The following FMNL2 variants were observed in gnomAD, a reference collection of about 807,000 sequenced individuals.
The protein encoded by FMNL2 is formin-like protein 2.
A neutral mutation model predicts 130.2 loss-of-function variants in FMNL2; 51 were observed. The ratio of observed to expected loss-of-function variants is 0.39; its 90% CI spans 0.31 to 0.49. The LOEUF (loss-of-function observed/expected upper bound fraction) is 0.49. Among genes scored for constraint, FMNL2 ranks in the 20% least tolerant of loss-of-function variants. The pLI, the probability that FMNL2 is intolerant of heterozygous loss-of-function variation, is 0.85. For missense variants in FMNL2, 977 were observed against 1,316.2 expected, an observed-to-expected ratio of 0.74 and a Z score of 3.99; for synonymous variants, 465 against 467.1, an observed-to-expected ratio of 1.00 and a Z score of 0.06.
chr2:152,337,646 G>A (rs1395477491), intron 1 of FMNL2, among the ~76,000 whole-genome samples: 2 of 152,126 alleles, frequency 1.3e-5, no homozygotes, highest in African/African-American at 4.8e-5. Flanking sequence ...AAGGCTAGCA[G>A]TTGCAAATAT....
At chr2:152,545,754 T>G (rs1167412390) in intron 3 of FMNL2, among the ~76,000 whole-genome samples, 1 of 152,130 alleles carries the variant, frequency 6.6e-6, no homozygotes, top group Non-Finnish European at 1.5e-5. Context: ...GGCACATAAT[T>G]TCTTTTCATA....
chr2:152,373,523 T>G (rs1684001425), intron 1 of FMNL2, among the ~76,000 whole-genome samples: 1 of 152,178 alleles, frequency 6.6e-6, no homozygotes, highest in South Asian at 2.1e-4. Flanking sequence ...AATCCATGGG[T>G]GTTCAAGTCT....
intron 1 of FMNL2, among the ~76,000 whole-genome samples, chr2:152,422,234 G>GC (rs1465895013): frequency 2.0e-5 from 3 of 152,204 alleles, no homozygotes; most frequent in Admixed American, 2.0e-4. Flanking sequence ...CTTCCCAGAA[G>GC]CTGAAAGCCT....
chr2:152,599,437 T>TAG (rs1553484500), intron 9 of FMNL2, among the ~76,000 whole-genome samples: 5 of 132,292 alleles, frequency 3.8e-5, no homozygotes, highest in African/African-American at 1.2e-4. Flanking sequence ...TTTTTTTTTT[T>TAG]AGAGAGGTAG....
intron 11 of FMNL2, among the ~76,000 whole-genome samples, chr2:152,613,345 T>C (rs946064656): frequency 2.0e-5 from 3 of 152,232 alleles, no homozygotes; most frequent in African/African-American, 7.2e-5. Context: ...AGAGCTTGTT[T>C]ATGCTGTAGA....
chr2:152,427,053 G>A (rs1041643774), intron 1 of FMNL2, among the ~76,000 whole-genome samples: 38 of 152,136 alleles, frequency 2.5e-4, no homozygotes, highest in South Asian at 1.7e-3. Flanking sequence ...CCAACTCCTC[G>A]TAGGAGAGGA....
chr2:152,492,880 T>C (rs1395740715), intron 1 of FMNL2, among the ~76,000 whole-genome samples: 1 of 151,408 alleles, frequency 6.6e-6, no homozygotes, highest in Non-Finnish European at 1.5e-5. Flanking sequence ...ATATTATTAC[T>C]TTTTTTTTCT....
chr2:152,467,473 CCT>C (rs1351557968), intron 1 of FMNL2, among the ~76,000 whole-genome samples: 3 of 152,184 alleles, frequency 2.0e-5, no homozygotes, highest in African/African-American at 7.2e-5. Flanking sequence ...TCCCTCGGCC[CCT>C]GTTTCCTACA....
chr2:152,563,859 C>T (rs535003532), intron 6 of FMNL2, among the ~76,000 whole-genome samples: 1 of 152,294 alleles, frequency 6.6e-6, no homozygotes, highest in Non-Finnish European at 1.5e-5. Context: ...ACTAGAGCTG[C>T]TTCTCCCCTC....
At chr2:152,458,581 A>G (rs1467643159) in intron 1 of FMNL2, among the ~76,000 whole-genome samples, 1 of 152,190 alleles carries the variant, frequency 6.6e-6, no homozygotes, top group Non-Finnish European at 1.5e-5. Context: ...TTTAACTTTC[A>G]CAAGAATGCA....
chr2:152,464,502 G>C (rs1689421263), intron 1 of FMNL2, among the ~76,000 whole-genome samples: 1 of 152,186 alleles, frequency 6.6e-6, no homozygotes. Context: ...GTCCACTCCA[G>C]TGAAATTGTT....
At chr2:152,460,230 A>C (rs1689166513) in intron 1 of FMNL2, among the ~76,000 whole-genome samples, 1 of 152,210 alleles carries the variant, frequency 6.6e-6, no homozygotes, top group South Asian at 2.1e-4. Flanking sequence ...AATAGGGACA[A>C]AGAATAGCAT....
intron 9 of FMNL2, 122 bp from the exon 10 acceptor site, chr2:152,607,217 T>C: frequency 1.3e-6 from 1 of 778,428 alleles, no homozygotes; most frequent in Non-Finnish European, 2.1e-6. Flanking sequence ...GGGAAGTAAA[T>C]AGTTTATGAG....
chr2:152,359,784 A>G (rs953029801), intron 1 of FMNL2, among the ~76,000 whole-genome samples: 1 of 152,074 alleles, frequency 6.6e-6, no homozygotes, highest in African/African-American at 2.4e-5. Flanking sequence ...GGGTTTCTCT[A>G]CTTCTACAAG....
intron 1 of FMNL2, among the ~76,000 whole-genome samples, chr2:152,438,162 A>G (rs1009424675): frequency 2.6e-5 from 4 of 152,240 alleles, no homozygotes; most frequent in African/African-American, 9.6e-5. Context: ...AATATGTTCA[A>G]ATTTCTCTAT....
intron 1 of FMNL2, among the ~76,000 whole-genome samples, chr2:152,364,281 T>G (rs1323681927): frequency 1.5e-4 from 22 of 149,122 alleles, no homozygotes; most frequent in Admixed American, 4.0e-4. Context: ...TTTTTTTTTT[T>G]TTTTTTTTTT....
At chr2:152,409,106 G>A (rs1686150875) in intron 1 of FMNL2, among the ~76,000 whole-genome samples, 3 of 152,268 alleles carry the variant, frequency 2.0e-5, no homozygotes, top group South Asian at 2.1e-4. Context: ...AGCAGTGTTC[G>A]TAGGTGCATC....
rs201793844 is a variant in FMNL2, at chr2:152,629,666, C to T, written c.2411C>T (p.Ala804Val). Residue 804 changes from alanine (A) to valine (V), a missense_variant, in exon 19 of 26, where the codon GCG becomes GTG. This residue lies in a region of FMNL2 where 689 missense variants were observed against 995.9 expected (regional missense o/e 0.69). Transcript: ENST00000288670. The part of the protein sequence containing the change: ...SIQMLTPQLH[A>V]IIAASVSIKS... ...TTGATTGGAATCTAGCAACTACATGCGATTATAGCAGCATCTGTCTCTATA... is the reference window on the plus strand; with the variant it reads ...TTGATTGGAATCTAGCAACTACATGTGATTATAGCAGCATCTGTCTCTATA... 556 of 1,597,890 alleles carry T rather than the reference C, an allele frequency of 3.5e-4. 1 individual carries two copies. Among genetic ancestry groups the T allele is most frequent in the Non-Finnish European group, 4.1e-4 (482 of 1,171,544 alleles).
intron 4 of FMNL2, among the ~76,000 whole-genome samples, chr2:152,553,161 C>A (rs151325693): frequency 9.8e-4 from 149 of 152,294 alleles, no homozygotes; most frequent in African/African-American, 3.4e-3. Flanking sequence ...TCAGTGCTGG[C>A]TGAGCCAGGC....
Sources: gnomAD v4.1 joint callset for allele counts (sites outside exome capture counted in the v4.1 genomes callset) on GRCh38, gnomAD v4.1.1 for gene constraint, gnomAD v4.1.1 regional missense constraint, MANE v1.5 for transcripts, NCBI Gene and HGNC (gene_info 2026-07-23, HGNC 2026-07-21) for gene names.